SEC24D: variants seen among roughly 807,000 people sequenced by gnomAD.
SEC24D encodes SEC24 homolog D, COPII component, also known as protein transport protein Sec24D.
SEC24D carries 69 observed loss-of-function variants against 116.9 expected under a neutral mutation model. That is an observed-to-expected ratio of 0.59 (90% confidence interval 0.49 to 0.72). The LOEUF (loss-of-function observed/expected upper bound fraction) is 0.72. Ranked by LOEUF, SEC24D falls within the 30% of genes least tolerant of loss-of-function variation. The probability of loss-of-function intolerance (pLI) is 0.00; values close to 1 mark genes in which losing one functional copy is unlikely to be tolerated. For synonymous variants in SEC24D, 405 were observed against 442.8 expected, an observed-to-expected ratio of 0.91 and a Z score of 1.07; for missense variants, 1,131 against 1,264.1, an observed-to-expected ratio of 0.89 and a Z score of 1.60.
At chr4:118,728,788 C>A in intron 21 of SEC24D, 138 bp from the exon 22 acceptor site, 1 of 530,276 alleles carries the variant, frequency 1.9e-6, no homozygotes, top group Non-Finnish European at 3.3e-6. Flanking sequence ...AAAACCAAAA[C>A]TGTGGGGAAA....
At chr4:118,799,290 T>C (rs1163847412) in intron 7 of SEC24D, among the ~76,000 whole-genome samples, 4 of 152,104 alleles carry the variant, frequency 2.6e-5, no homozygotes, top group African/African-American at 7.2e-5. Context: ...ACCAGAAGCA[T>C]AAAATTGCCA....
chr4:118,739,837 T>C (rs1726145074), intron 17 of SEC24D, among the ~76,000 whole-genome samples: 1 of 152,142 alleles, frequency 6.6e-6, no homozygotes, highest in Non-Finnish European at 1.5e-5. Flanking sequence ...ATGATGCCAA[T>C]GTTTGGAAAC....
intron 15 of SEC24D, among the ~76,000 whole-genome samples, chr4:118,742,814 G>C (rs1043621429): frequency 1.3e-5 from 2 of 152,170 alleles, no homozygotes; most frequent in Non-Finnish European, 2.9e-5. Context: ...TTAGGTGATG[G>C]GGAGTGACTC....
chr4:118,765,397 G>A lies in SEC24D; in HGVS notation c.1181-480C>T, dbSNP rs55683299. On this transcript the variant is annotated intron_variant, in intron 9 of 22. Transcript: ENST00000280551. Reference sequence around the variant, plus strand: ...TGCATGGTAATCTTTTAATGTTTGCGCTTAAGAGTGGAGAGGATTACTGTA... The same window carrying A: ...TGCATGGTAATCTTTTAATGTTTGCACTTAAGAGTGGAGAGGATTACTGTA... Among the ~76,000 whole-genome samples the A allele has an allele frequency of 6.4e-3, 977 of 152,304 alleles. 11 individuals carry two copies. The highest frequency in any genetic ancestry group is 0.022 in the African/African-American group (927 of 41,578).
chr4:118,766,602 C>T (rs1045279099), intron 9 of SEC24D: 1 of 151,220 alleles, frequency 6.6e-6, no homozygotes, highest in Non-Finnish European at 1.5e-5. Context: ...AGTGGCTGGG[C>T]CTTTTAAGGC....
At chr4:118,819,944 T>TC (rs532109618) in intron 3 of SEC24D, among the ~76,000 whole-genome samples, 105 of 152,314 alleles carry the variant, frequency 6.9e-4, no homozygotes, top group African/African-American at 2.5e-3. Flanking sequence ...TACTTATGAT[T>TC]CAGTGCCTAA....
At chr4:118,815,276 A>C (rs1336065782) in intron 5 of SEC24D, 121 bp from the exon 6 acceptor site, 1 of 1,399,896 alleles carries the variant, frequency 7.1e-7, no homozygotes, top group East Asian at 2.4e-5. Context: ...AAAAAAAGCA[A>C]GGAGTCAAGT....
intron 3 of SEC24D, among the ~76,000 whole-genome samples, chr4:118,821,929 T>G (rs542900099): frequency 2.0e-5 from 3 of 152,326 alleles, no homozygotes; most frequent in Non-Finnish European, 4.4e-5. Context: ...CAATCCAGTA[T>G]GCAAGTTGTA....
chr4:118,799,643 C>T (rs990742947), intron 7 of SEC24D, among the ~76,000 whole-genome samples: 3 of 152,062 alleles, frequency 2.0e-5, no homozygotes, highest in Non-Finnish European at 2.9e-5. Context: ...AGAAAGCAGC[C>T]AAAGGACTGA....
At chr4:118,777,440 T>A (rs183551329) in intron 8 of SEC24D, among the ~76,000 whole-genome samples, 4 of 152,330 alleles carry the variant, frequency 2.6e-5, no homozygotes, top group South Asian at 4.1e-4. Context: ...AAAAAGGACA[T>A]AAACTCATCC....
intron 17 of SEC24D, among the ~76,000 whole-genome samples, chr4:118,739,775 TA>T (rs940512328): frequency 1.4e-4 from 21 of 152,324 alleles, no homozygotes; most frequent in African/African-American, 5.0e-4. Context: ...AAATAAACTT[TA>T]GTTAAAAGTT....
chr4:118,827,693 T>A (rs116302502), intron 2 of SEC24D, among the ~76,000 whole-genome samples: 7,269 of 152,230 alleles, frequency 0.048, 211 homozygotes, highest in Non-Finnish European at 0.064. Flanking sequence ...TGGGAGAGAA[T>A]GGTGGTGACT....
intron 19 of SEC24D, among the ~76,000 whole-genome samples, chr4:118,733,689 G>A (rs1018454274): frequency 1.3e-5 from 2 of 152,160 alleles, no homozygotes; most frequent in African/African-American, 2.4e-5. Flanking sequence ...ATTTAGATGT[G>A]TCATTAATGA....
At chr4:118,734,739 C>T (rs1725869462) in intron 19 of SEC24D, among the ~76,000 whole-genome samples, 1 of 152,186 alleles carries the variant, frequency 6.6e-6, no homozygotes, top group Non-Finnish European at 1.5e-5. Flanking sequence ...CCCCCGTCAA[C>T]TTCTAATCTC....
At chr4:118,754,609 A>T (rs565349908) in intron 11 of SEC24D, among the ~76,000 whole-genome samples, 2 of 152,128 alleles carry the variant, frequency 1.3e-5, no homozygotes, top group Non-Finnish European at 2.9e-5. Flanking sequence ...ACTGAGGATG[A>T]CTATCATGAT....
chr4:118,792,219 C>T (rs13105732), intron 8 of SEC24D, among the ~76,000 whole-genome samples: 43,271 of 150,716 alleles, frequency 0.29, 6,826 homozygotes, highest in Non-Finnish European at 0.36. Flanking sequence ...CCGGCCGCCC[C>T]GTCTGGGAAG....
At chr4:118,747,212 G>A (rs1726576985) in intron 13 of SEC24D, among the ~76,000 whole-genome samples, 1 of 150,852 alleles carries the variant, frequency 6.6e-6, no homozygotes, top group Non-Finnish European at 1.5e-5. Context: ...AAAATGTTAA[G>A]CATGTTGAAA....
At chr4:118,793,917 T>G (rs762285474) in intron 8 of SEC24D, among the ~76,000 whole-genome samples, 2 of 152,022 alleles carry the variant, frequency 1.3e-5, no homozygotes, top group Non-Finnish European at 2.9e-5. Flanking sequence ...GTATTCAGAG[T>G]CTCCAACAAC....
chr4:118,752,570 G>A, intron 12 of SEC24D, 127 bp downstream of exon 12: 2 of 643,942 alleles, frequency 3.1e-6, no homozygotes, highest in South Asian at 2.1e-5. Context: ...AAATGATAGA[G>A]TTTTATAATC....
Sources: gnomAD v4.1 joint callset for allele counts (sites outside exome capture counted in the v4.1 genomes callset) on GRCh38, gnomAD v4.1.1 for gene constraint, MANE v1.5 for transcripts, NCBI Gene and HGNC (gene_info 2026-07-23, HGNC 2026-07-21) for gene names.